Variants in CTNNBL1 observed in about 807,000 individuals in gnomAD.
The protein encoded by CTNNBL1 is beta-catenin-like protein 1.
Under a neutral mutation model 72.7 loss-of-function variants are expected in CTNNBL1, and 31 were observed. The observed-to-expected ratio is 0.43, with a 90% CI of 0.32 to 0.58. CTNNBL1 has a LOEUF of 0.58. Ranked by LOEUF, CTNNBL1 falls within the 20% of genes least tolerant of loss-of-function variation. The probability of loss-of-function intolerance (pLI) is 0.08; values close to 1 mark genes in which losing one functional copy is unlikely to be tolerated. For missense variants in CTNNBL1, 534 were observed against 725.1 expected, an observed-to-expected ratio of 0.74 and a Z score of 3.03; for synonymous variants, 240 against 267.3, an observed-to-expected ratio of 0.90 and a Z score of 1.00.
intron 1 of CTNNBL1, among the ~76,000 whole-genome samples, chr20:37,705,471 T>A (rs935322344): frequency 5.5e-4 from 83 of 151,862 alleles, no homozygotes; most frequent in African/African-American, 1.8e-3. Context: ...CAAAAAAAAA[T>A]TTTTTTTTAA....
chr20:37,703,755 C>T (rs902171649), intron 1 of CTNNBL1, among the ~76,000 whole-genome samples: 5 of 151,372 alleles, frequency 3.3e-5, no homozygotes, highest in Non-Finnish European at 5.9e-5. Flanking sequence ...AAAGATGAAA[C>T]GGCTCAAAGA....
chr20:37,833,720 G>A (rs575845393), intron 11 of CTNNBL1, among the ~76,000 whole-genome samples: 2 of 152,212 alleles, frequency 1.3e-5, no homozygotes, highest in Admixed American at 6.5e-5. Context: ...TTATCCTGTC[G>A]AAATGACGGA....
chr20:37,849,984 CTAT>C (rs1316378571), intron 13 of CTNNBL1, among the ~76,000 whole-genome samples: 1 of 152,202 alleles, frequency 6.6e-6, no homozygotes, highest in Non-Finnish European at 1.5e-5. Flanking sequence ...TAAGTGGTAG[CTAT>C]TATTACAAGT....
chr20:37,820,651 C>T (rs1275613204), intron 11 of CTNNBL1, among the ~76,000 whole-genome samples: 2 of 152,156 alleles, frequency 1.3e-5, no homozygotes, highest in African/African-American at 2.4e-5. Flanking sequence ...TTAAAAGTGG[C>T]GGCTTCCCCC....
chr20:37,732,991 T>C lies in CTNNBL1; in HGVS notation c.143T>C (p.Val48Ala). The change falls in exon 2 of 16, where the codon GTG becomes GCG. Residue 48 changes from valine to alanine, a missense_variant. Val to Ala is a moderately conservative substitution (Grantham distance 64). Coordinates refer to ENST00000361383, the MANE Select transcript of CTNNBL1 (RefSeq NM_030877.5). ...CGCTATCGGGAAGAAGAAATGACTG[T>C]GGTGGAGGAAGCGGATGATGACAAA... is the stretch of plus-strand genomic sequence containing the variant. The part of the protein sequence containing the change: ...RGRYREEEMT[V>A]VEEADDDKKR... 6.2e-7 allele frequency: 1 copy of C among 1,613,804 alleles called. No homozygotes were observed. Among genetic ancestry groups the C allele is most frequent in the South Asian group, 1.1e-5 (1 of 91,056 alleles).
At chr20:37,759,840 T>C (rs1176507384) in intron 5 of CTNNBL1, among the ~76,000 whole-genome samples, 1 of 152,194 alleles carries the variant, frequency 6.6e-6, no homozygotes, top group Admixed American at 6.5e-5. Context: ...AGGAAGAAAT[T>C]TGATAAGTAC....
At chr20:37,870,710 C>A (rs904639488) in intron 15 of CTNNBL1, among the ~76,000 whole-genome samples, 1 of 152,192 alleles carries the variant, frequency 6.6e-6, no homozygotes, top group Non-Finnish European at 1.5e-5. Flanking sequence ...AGTCAAATCA[C>A]GTCATTCCTT....
At chr20:37,863,043 A>G (rs1342765538) in intron 15 of CTNNBL1, among the ~76,000 whole-genome samples, 1 of 152,242 alleles carries the variant, frequency 6.6e-6, no homozygotes, top group African/African-American at 2.4e-5. Context: ...ACCCAGAGCA[A>G]TGCCAAGCAA....
rs750694958 is a variant in CTNNBL1 at position 37,732,992 on chromosome 20, G to C, written c.144G>C (p.Val48=). The C allele has an allele frequency of 1.4e-5, 22 of 1,613,918 alleles. No individual in the cohort carries two copies. In the South Asian group the frequency reaches 2.3e-4, roughly 17 times the overall value. The change falls in exon 2 of 16, where the codon GTG becomes GTC. Residue 48 remains valine, a synonymous_variant. Transcript: ENST00000361383. ...GCTATCGGGAAGAAGAAATGACTGT[G>C]GTGGAGGAAGCGGATGATGACAAAA... ...RGRYREEEMT[V]VEEADDDKKR... is the part of the protein sequence containing the mutation.
intron 11 of CTNNBL1, among the ~76,000 whole-genome samples, chr20:37,804,744 C>T (rs575003513): frequency 6.6e-6 from 1 of 152,302 alleles, no homozygotes; most frequent in East Asian, 1.9e-4. Flanking sequence ...TTAGCAGGCT[C>T]CTGCTCTGCG....
chr20:37,736,789 T>C (rs185364380), intron 2 of CTNNBL1, among the ~76,000 whole-genome samples: 3 of 152,236 alleles, frequency 2.0e-5, no homozygotes, highest in Admixed American at 2.0e-4. Flanking sequence ...CCTGAAGTGC[T>C]GAAGTGCCCA....
chr20:37,858,055 A>T (rs1568814652), intron 13 of CTNNBL1, among the ~76,000 whole-genome samples: 1 of 152,136 alleles, frequency 6.6e-6, no homozygotes, highest in Non-Finnish European at 1.5e-5. Flanking sequence ...TAATTAGCTG[A>T]GTGTGGTGGC....
chr20:37,725,187 G>T (rs931659860), intron 1 of CTNNBL1, among the ~76,000 whole-genome samples: 1 of 151,896 alleles, frequency 6.6e-6, no homozygotes, highest in African/African-American at 2.4e-5. Flanking sequence ...GATTACAGGC[G>T]TGTGCCACTG....
At chr20:37,738,915 C>T (rs1444308945) in intron 3 of CTNNBL1, among the ~76,000 whole-genome samples, 3 of 152,164 alleles carry the variant, frequency 2.0e-5, no homozygotes, top group Non-Finnish European at 2.9e-5. Context: ...ACTATGTTGT[C>T]CCTGTGCTGT....
At chr20:37,785,041 ACTTTAAATATGTCATGCCACTCTTCCC>A (rs2073660244) in intron 10 of CTNNBL1, among the ~76,000 whole-genome samples, 1 of 152,074 alleles carries the variant, frequency 6.6e-6, no homozygotes, top group Non-Finnish European at 1.5e-5. Flanking sequence ...TTCCTTCAGC[ACTTTAAATATGTCATGCCACTCTTCCC>A]CTTTAAATAT....
intron 10 of CTNNBL1, among the ~76,000 whole-genome samples, chr20:37,794,646 C>T (rs571580139): frequency 1.9e-4 from 29 of 152,084 alleles, no homozygotes; most frequent in Middle Eastern, 3.4e-3. Flanking sequence ...GTACCCACCA[C>T]GACACCTGGC....
intron 1 of CTNNBL1, among the ~76,000 whole-genome samples, chr20:37,695,644 A>C (rs2072784444): frequency 6.6e-6 from 1 of 152,206 alleles, no homozygotes; most frequent in African/African-American, 2.4e-5. Flanking sequence ...AAGAGCCATG[A>C]GTCTGGACCC....
intron 13 of CTNNBL1, among the ~76,000 whole-genome samples, chr20:37,852,087 T>G (rs1388030966): frequency 6.6e-6 from 1 of 152,222 alleles, no homozygotes; most frequent in Non-Finnish European, 1.5e-5. Flanking sequence ...GAGTTGTCAT[T>G]GCTTCACAAA....
Position 37,720,128 on chromosome 20 carries a change from C to T in CTNNBL1, c.31-12751C>T, listed in dbSNP as rs373245317. On this transcript the variant is annotated intron_variant, in intron 1 of 15. Transcript: ENST00000361383. ...CTACAAGCTCCATCTCCCAGGTTCA[C>T]GCCATTCTTCTGCCTCAGCCTCCCT... Among the ~76,000 whole-genome samples the T allele has an allele frequency of 1.2e-3, 189 of 152,188 alleles. 1 individual carries two copies. Among genetic ancestry groups the T allele is most frequent in the South Asian group, 6.8e-3 (33 of 4,820 alleles).
Sources: gnomAD v4.1 joint callset for allele counts (sites outside exome capture counted in the v4.1 genomes callset) on GRCh38, gnomAD v4.1.1 for gene constraint, MANE v1.5 for transcripts, NCBI Gene and HGNC (gene_info 2026-07-23, HGNC 2026-07-21) for gene names.